GABRG3: variants seen among roughly 807,000 people sequenced by gnomAD.
GABRG3 encodes the protein gamma-aminobutyric acid type A receptor subunit gamma3.
In GABRG3, 25 loss-of-function variants were observed where a neutral mutation model predicts 48.8. That is an observed-to-expected ratio of 0.51 (90% confidence interval 0.37 to 0.72). The LOEUF is 0.72. Ranked by LOEUF, GABRG3 falls within the 30% of genes least tolerant of loss-of-function variation. The pLI, the probability that GABRG3 is intolerant of heterozygous loss-of-function variation, is 0.00. For synonymous variants in GABRG3, 227 were observed against 217.6 expected, an observed-to-expected ratio of 1.04 and a Z score of -0.38; for missense variants, 394 against 577.9, an observed-to-expected ratio of 0.68 and a Z score of 3.26.
chr15:27,046,253 C>T (rs1389544716), intron 3 of GABRG3, among the ~76,000 whole-genome samples: 1 of 142,406 alleles, frequency 7.0e-6, no homozygotes, highest in African/African-American at 2.9e-5. Context: ...ACCACCATAC[C>T]TGGCTAATTT....
chr15:27,339,521 T>G (rs1894092427), intron 5 of GABRG3, among the ~76,000 whole-genome samples: 1 of 152,198 alleles, frequency 6.6e-6, no homozygotes, highest in Non-Finnish European at 1.5e-5. Flanking sequence ...TTCCCGTTAC[T>G]GTAGACTTGC....
chr15:27,370,754 G>A (rs1476143696), intron 5 of GABRG3, among the ~76,000 whole-genome samples: 1 of 152,208 alleles, frequency 6.6e-6, no homozygotes, highest in Non-Finnish European at 1.5e-5. Flanking sequence ...GACACATGAA[G>A]TGAGCACTCT....
At chr15:27,425,239 A>G (rs1888254938) in intron 5 of GABRG3, among the ~76,000 whole-genome samples, 1 of 152,196 alleles carries the variant, frequency 6.6e-6, no homozygotes, top group East Asian at 1.9e-4. Context: ...TTTGCTGTAT[A>G]GACTCTAACC....
intron 3 of GABRG3, among the ~76,000 whole-genome samples, chr15:27,291,999 C>T (rs1891808458): frequency 6.6e-6 from 1 of 152,146 alleles, no homozygotes; most frequent in African/African-American, 2.4e-5. Flanking sequence ...AATAATAACC[C>T]ACTGTTCAAC....
chr15:27,152,914 G>A (rs1324167190), intron 3 of GABRG3, among the ~76,000 whole-genome samples: 4 of 148,886 alleles, frequency 2.7e-5, no homozygotes, highest in Non-Finnish European at 5.9e-5. Context: ...AGGCTGGAGT[G>A]CAGTGGCGCG....
intron 3 of GABRG3, among the ~76,000 whole-genome samples, chr15:27,059,765 C>G (rs1291191868): frequency 6.6e-6 from 1 of 152,224 alleles, no homozygotes; most frequent in Non-Finnish European, 1.5e-5. Context: ...TGGTGCTTCA[C>G]TGTGAACAAA....
intron 3 of GABRG3, among the ~76,000 whole-genome samples, chr15:27,096,064 A>C (rs1026572557): frequency 6.6e-6 from 1 of 152,142 alleles, no homozygotes; most frequent in Admixed American, 6.6e-5. Flanking sequence ...CCAATTCATC[A>C]CATACGGTTC....
intron 3 of GABRG3, among the ~76,000 whole-genome samples, chr15:27,056,021 A>T (rs1896539174): frequency 6.6e-6 from 1 of 152,202 alleles, no homozygotes; most frequent in Admixed American, 6.5e-5. Context: ...AAAAATTTGC[A>T]GGAGGAGAAA....
intron 3 of GABRG3, among the ~76,000 whole-genome samples, chr15:27,101,842 TAAAAAAAA>T (rs55887752): frequency 1.4e-5 from 1 of 72,530 alleles, no homozygotes; most frequent in Non-Finnish European, 2.7e-5. Context: ...GCTGATGAGC[TAAAAAAAA>T]AAAAAAAAAA....
intron 5 of GABRG3, chr15:27,419,070 T>C (rs1188995663): frequency 1.3e-5 from 2 of 152,216 alleles, no homozygotes; most frequent in African/African-American, 4.8e-5. Flanking sequence ...ATATATCTCA[T>C]TGTGTTGCAA....
rs894948565 is a variant in GABRG3, at chr15:27,437,049, G to C, written c.575-43601G>C. Among the ~76,000 whole-genome samples, 77 of 148,722 alleles carry C rather than the reference G, an allele frequency of 5.2e-4. 1 individual carries two copies. The highest frequency in any genetic ancestry group is 3.6e-3 in the South Asian group (17 of 4,686). The stretch of plus-strand genomic sequence containing the variant: ...AGAGAGAGAGCGCCCACATTCTCAT[G>C]AGGACATCAGCAGTGATATTTGTTT... On this transcript the variant is annotated intron_variant, in intron 5 of 9. Transcript: ENST00000615808.
chr15:27,516,671 A>G (rs914120176), intron 6 of GABRG3, among the ~76,000 whole-genome samples: 4 of 152,236 alleles, frequency 2.6e-5, no homozygotes, highest in African/African-American at 9.6e-5. Flanking sequence ...GGAATCACTG[A>G]GAGCAAATAA....
chr15:27,540,462 T>G lies in GABRG3; in HGVS notation c.*7581T>G, dbSNP rs1328675078. The G allele has an allele frequency of 6.6e-6, 1 of 152,262 alleles. No homozygotes were observed. The highest frequency in any genetic ancestry group is 1.5e-5 in the Non-Finnish European group (1 of 68,046). The allele number at this position is 152,262 out of a possible 1,614,324, so 9.4% of individuals were successfully genotyped here. A position where few individuals can be genotyped will look rare whatever the true frequency, so the allele number is the denominator to read the frequency against. On this transcript the variant is annotated 3_prime_UTR_variant, in exon 10 of 10. Coordinates refer to ENST00000615808, the MANE Select transcript of GABRG3 (RefSeq NM_033223.5). ...AGTCTAGGCTTTGTTTCCCCCTAACTTATCCTGGCATTTTTACTTTGAATA... is the reference window on the plus strand; with the variant it reads ...AGTCTAGGCTTTGTTTCCCCCTAACGTATCCTGGCATTTTTACTTTGAATA...
intron 3 of GABRG3, among the ~76,000 whole-genome samples, chr15:27,299,972 A>G (rs1892138858): frequency 6.6e-6 from 1 of 152,158 alleles, no homozygotes; most frequent in Non-Finnish European, 1.5e-5. Context: ...GTATGTCTAG[A>G]TCTAGTTATA....
chr15:27,433,117 T>A (rs577513957), intron 5 of GABRG3, among the ~76,000 whole-genome samples: 1 of 152,352 alleles, frequency 6.6e-6, no homozygotes, highest in Non-Finnish European at 1.5e-5. Flanking sequence ...GTGACCATAT[T>A]GGTACTCAAA....
intron 3 of GABRG3, among the ~76,000 whole-genome samples, chr15:27,052,148 G>T: frequency 6.6e-6 from 1 of 152,164 alleles, no homozygotes; most frequent in East Asian, 1.9e-4. Context: ...GGGGCCCCCT[G>T]ATCTAAGAGG....
At chr15:27,478,704 A>T (rs150053386) in intron 5 of GABRG3, among the ~76,000 whole-genome samples, 175 of 152,356 alleles carry the variant, frequency 1.1e-3, no homozygotes, top group Non-Finnish European at 1.2e-4. Flanking sequence ...ACAAATGCCC[A>T]TAACAACATT....
chr15:27,425,630 T>TG (rs1304034782), intron 5 of GABRG3, among the ~76,000 whole-genome samples: 1 of 151,804 alleles, frequency 6.6e-6, no homozygotes, highest in Admixed American at 6.6e-5. Context: ...GAAGTGATGA[T>TG]GGAACCCTCA....
chr15:27,176,611 G>A (rs1177661100), intron 3 of GABRG3, among the ~76,000 whole-genome samples: 2 of 152,164 alleles, frequency 1.3e-5, no homozygotes, highest in African/African-American at 4.8e-5. Context: ...GATTGACTCT[G>A]CCTTAGAAAG....
Sources: gnomAD v4.1 joint callset for allele counts (sites outside exome capture counted in the v4.1 genomes callset) on GRCh38, gnomAD v4.1.1 for gene constraint, MANE v1.5 for transcripts, NCBI Gene and HGNC (gene_info 2026-07-23, HGNC 2026-07-21) for gene names.